The following KLC1 variants were observed in gnomAD, a reference collection of about 807,000 sequenced individuals.
KLC1 encodes the protein kinesin light chain 1, also known as kinesin 2 60/70kDa.
Under a neutral mutation model 84.2 loss-of-function variants are expected in KLC1, and 30 were observed. The observed-to-expected ratio is 0.36, with a 90% confidence interval of 0.27 to 0.48. The LOEUF (loss-of-function observed/expected upper bound fraction) is 0.48, where lower values mean the gene tolerates loss of function less well. Ranked by LOEUF, KLC1 falls within the 20% of genes least tolerant of loss-of-function variation. The pLI is 0.99. For synonymous variants in KLC1, 289 were observed against 293.3 expected (o/e 0.99, Z 0.15); for missense variants, 499 against 805.4 (o/e 0.62, Z 4.60).
chr14:103,700,657 C>T lies in KLC1; in HGVS notation c.1851C>T (p.Gly617=), dbSNP rs3212102. Residue 617 remains glycine (G), a splice_region_variant and synonymous_variant, in exon 16 of 17, where the codon GGC becomes GGT. Transcript: ENST00000334553. The stretch of plus-strand genomic sequence containing the variant: ...ACTCGTCTGTGCTTCATCTCCAGGG[C>T]GTCTCTGGCCGAGCCTCTTTTTGTG... ...GGKAAEDRFQ[G]VSGRASFCGK... 37,464 of 1,606,024 alleles carry T rather than the reference C, an allele frequency of 0.023. 502 individuals carry two copies. Among genetic ancestry groups the T allele is most frequent in the Non-Finnish European group, 0.027 (31,775 of 1,176,804 alleles).
chr14:103,655,343 C>T (rs933221745), intron 2 of KLC1, among the ~76,000 whole-genome samples: 1 of 152,156 alleles, frequency 6.6e-6, no homozygotes, highest in Non-Finnish European at 1.5e-5. Flanking sequence ...GCTCTTGCTG[C>T]CCAGGCTGGA....
In KLC1 at chr14:103,693,448, T is replaced by G; in HGVS notation, c.1848+1023T>G. The G allele has an allele frequency of 6.6e-7, 1 of 1,507,386 alleles. No homozygotes were observed. Among genetic ancestry groups the G allele is most frequent in the Non-Finnish European group, 8.8e-7 (1 of 1,130,474 alleles). 93.4% of individuals were successfully genotyped at this position (1,507,386 alleles called of 1,614,324 possible). A position where few individuals can be genotyped will look rare whatever the true frequency, so the allele number is the denominator to read the frequency against. On this transcript the variant is annotated intron_variant, in intron 15 of 16. Transcript: ENST00000334553. This position sits in a 1 kb window ranked among gnomAD's most constrained non-coding sequence, Gnocchi z 5.1. ...CCCCTGGGCCTCTCGAGTGCCAACC[T>G]AGATTTAGCTGTGCAGCTGGTACTG...
intron 1 of KLC1, among the ~76,000 whole-genome samples, chr14:103,647,225 T>C (rs2078011181): frequency 6.6e-6 from 1 of 152,030 alleles, no homozygotes; most frequent in South Asian, 2.1e-4. Flanking sequence ...AAACTTTTTT[T>C]TTATTTTTAT....
At chr14:103,633,771 T>C (rs769952118) in intron 1 of KLC1, among the ~76,000 whole-genome samples, 5 of 152,118 alleles carry the variant, frequency 3.3e-5, no homozygotes, top group Non-Finnish European at 5.9e-5. Context: ...TTGTAGTGAT[T>C]AGCATTTCTT....
chr14:103,689,660 C>CTGG (rs1418876645), intron 14 of KLC1, among the ~76,000 whole-genome samples: 1 of 150,302 alleles, frequency 6.7e-6, no homozygotes, highest in African/African-American at 2.4e-5. Context: ...TCCCACAGTG[C>CTGG]TGGGGCTGCT....
At position 103,662,937 on chromosome 14, in the gene KLC1, TTTTG is replaced by T. The variant is rs762186573; in HGVS notation, c.797+14_797+17del. 6.3e-7 allele frequency: 1 copy of T among 1,580,874 alleles called. No individual in the cohort carries two copies. The highest frequency in any genetic ancestry group is 8.6e-7 in the Non-Finnish European group (1 of 1,162,972). On this transcript the variant is annotated intron_variant, in intron 5 of 16. Transcript: ENST00000334553. The stretch of plus-strand genomic sequence containing the variant: ...TGGCCTTGGTGTACAGGCTAGTCAC[TTTTG>T]TTTACCTACTGAATTTTACCTAGAG...
At chr14:103,676,551 C>CTTA (rs1185142043) in intron 11 of KLC1, among the ~76,000 whole-genome samples, 1 of 152,186 alleles carries the variant, frequency 6.6e-6, no homozygotes, top group Admixed American at 6.5e-5. Flanking sequence ...CAGGTGTGAG[C>CTTA]CACTGTGTCT....
intron 3 of KLC1, 133 bp from the exon 4 acceptor site, chr14:103,661,983 C>G (rs893377938): frequency 3.0e-6 from 2 of 666,288 alleles, no homozygotes; most frequent in African/African-American, 3.7e-5. Flanking sequence ...TGTCGGCGAT[C>G]CTACATTTGA....
chr14:103,651,587 T>C (rs2078447342), intron 1 of KLC1, among the ~76,000 whole-genome samples: 1 of 152,188 alleles, frequency 6.6e-6, no homozygotes, highest in East Asian at 1.9e-4. Context: ...GCTGTCTGTT[T>C]CCCTCTGAAG....
intron 11 of KLC1, among the ~76,000 whole-genome samples, chr14:103,676,299 G>A (rs2080868669): frequency 6.6e-6 from 1 of 151,718 alleles, no homozygotes; most frequent in Non-Finnish European, 1.5e-5. Flanking sequence ...ATGGAGTTTC[G>A]CTCTTGTCTC....
At chr14:103,641,043 G>T (rs2077451821) in intron 1 of KLC1, among the ~76,000 whole-genome samples, 1 of 151,978 alleles carries the variant, frequency 6.6e-6, no homozygotes, top group Non-Finnish European at 1.5e-5. Context: ...TCCTGCCTCA[G>T]CCTCCCTAGT....
chr14:103,636,509 C>T (rs952607650), intron 1 of KLC1, among the ~76,000 whole-genome samples: 13 of 152,150 alleles, frequency 8.5e-5, no homozygotes, highest in Non-Finnish European at 1.5e-4. Flanking sequence ...CGTGAGCCAC[C>T]GTGCCTGGCC....
intron 7 of KLC1, among the ~76,000 whole-genome samples, chr14:103,672,320 C>T (rs2080461137): frequency 1.3e-5 from 2 of 152,172 alleles, no homozygotes; most frequent in Admixed American, 1.3e-4. Context: ...GTTCAAGGTA[C>T]TGAGGGAGGA....
At chr14:103,661,121 T>C (rs914770013) in intron 3 of KLC1, among the ~76,000 whole-genome samples, 9 of 152,110 alleles carry the variant, frequency 5.9e-5, no homozygotes, top group African/African-American at 2.2e-4. Flanking sequence ...TGGGCGTCTT[T>C]CCCTAGGGTG....
intron 1 of KLC1, among the ~76,000 whole-genome samples, chr14:103,649,773 G>T (rs1341769518): frequency 6.6e-6 from 1 of 150,912 alleles, no homozygotes; most frequent in Non-Finnish European, 1.5e-5. Flanking sequence ...TCGGCTCACT[G>T]CAAGCTTCGT....
chr14:103,683,074 A>G (rs1426888461), intron 13 of KLC1: 2 of 152,240 alleles, frequency 1.3e-5, no homozygotes, highest in Non-Finnish European at 2.9e-5. Context: ...GTTTTTCTCA[A>G]TATTCATAAG....
At chr14:103,692,470 G>A (rs770852633) in intron 15 of KLC1, 45 bp downstream of exon 15, 50 of 1,505,220 alleles carry the variant, frequency 3.3e-5, no homozygotes, top group East Asian at 4.9e-5. Flanking sequence ...CCCAGACCAC[G>A]CTGGCAGGTC....
At chr14:103,652,146 G>GA (rs1340221799) in intron 1 of KLC1, among the ~76,000 whole-genome samples, 1 of 152,170 alleles carries the variant, frequency 6.6e-6, no homozygotes, top group Non-Finnish European at 1.5e-5. Flanking sequence ...TGTCAGGGTG[G>GA]AAAAACAGGC....
At chr14:103,635,652 G>T (rs1005986888) in intron 1 of KLC1, among the ~76,000 whole-genome samples, 1 of 152,056 alleles carries the variant, frequency 6.6e-6, no homozygotes, top group African/African-American at 2.4e-5. Context: ...TATTTGGGAA[G>T]CTGAGGTAGG....
Sources: gnomAD v4.1 joint callset for allele counts (sites outside exome capture counted in the v4.1 genomes callset) on GRCh38, gnomAD v4.1.1 for gene constraint, Gnocchi (gnomAD v3.1) non-coding constraint, MANE v1.5 for transcripts, NCBI Gene and HGNC (gene_info 2026-07-23, HGNC 2026-07-21) for gene names.